The following SPECC1 variants were observed in gnomAD, a reference collection of about 807,000 sequenced individuals.
SPECC1 encodes sperm antigen with calponin homology and coiled-coil domains 1.
SPECC1 carries 62 observed loss-of-function variants against 104.1 expected under a neutral mutation model. The observed-to-expected ratio is 0.60, with a 90% CI of 0.49 to 0.74. The LOEUF is 0.74. Ranked by LOEUF, SPECC1 falls within the 30% of genes least tolerant of loss-of-function variation. The probability of loss-of-function intolerance (pLI) is 0.00; values close to 1 mark genes in which losing one functional copy is unlikely to be tolerated. For synonymous variants in SPECC1, 513 were observed against 501.6 expected, an observed-to-expected ratio of 1.02 and a Z score of -0.30; for missense variants, 1,306 against 1,310.5, an observed-to-expected ratio of 1.00 and a Z score of 0.05.
chr17:20,120,616 G>A (rs1420290023), intron 3 of SPECC1, among the ~76,000 whole-genome samples: 1 of 152,154 alleles, frequency 6.6e-6, no homozygotes, highest in Non-Finnish European at 1.5e-5. Flanking sequence ...TTCTTTTTAT[G>A]CCATGCAAGA....
chr17:20,308,104 C>G (rs1332460539), intron 14 of SPECC1, among the ~76,000 whole-genome samples: 2 of 151,914 alleles, frequency 1.3e-5, no homozygotes, highest in Non-Finnish European at 1.5e-5. Flanking sequence ...GATAACAATT[C>G]CAGCTGGGTG....
At chr17:20,100,145 G>A (rs1413761652) in intron 2 of SPECC1, among the ~76,000 whole-genome samples, 1 of 152,026 alleles carries the variant, frequency 6.6e-6, no homozygotes, top group Non-Finnish European at 1.5e-5. Context: ...GGTACCATGC[G>A]CATATTAGGG....
chr17:20,255,496 C>T (rs1261782067), intron 10 of SPECC1, among the ~76,000 whole-genome samples: 3 of 152,184 alleles, frequency 2.0e-5, no homozygotes. Context: ...ACTAGGTAAG[C>T]CTTTGGTAGA....
chr17:20,197,724 G>A (rs375995785), intron 3 of SPECC1, among the ~76,000 whole-genome samples: 67 of 152,238 alleles, frequency 4.4e-4, no homozygotes, highest in African/African-American at 1.5e-3. Flanking sequence ...TTGTTTCAGG[G>A]ATCTGTAGCC....
At chr17:20,127,173 A>G (rs2050468194) in intron 3 of SPECC1, among the ~76,000 whole-genome samples, 1 of 152,212 alleles carries the variant, frequency 6.6e-6, no homozygotes, top group Admixed American at 6.5e-5. Flanking sequence ...CTCAACTTTC[A>G]TAGCTATCAA....
intron 8 of SPECC1, 39 bp downstream of exon 8, chr17:20,246,110 CA>C (rs749890813): frequency 8.7e-6 from 14 of 1,608,120 alleles, no homozygotes; most frequent in Non-Finnish European, 1.2e-5. Flanking sequence ...GCTCCAAATT[CA>C]AACTTTGGCC....
At chr17:20,045,784 T>G (rs1312492391) in intron 1 of SPECC1, among the ~76,000 whole-genome samples, 2 of 152,186 alleles carry the variant, frequency 1.3e-5, no homozygotes, top group Non-Finnish European at 2.9e-5. Context: ...TTTTCCTGCT[T>G]TATCTGAGAT....
intron 3 of SPECC1, among the ~76,000 whole-genome samples, chr17:20,157,626 G>T (rs1268746868): frequency 1.3e-5 from 2 of 152,130 alleles, no homozygotes; most frequent in African/African-American, 4.8e-5. Context: ...TTAAAATTGT[G>T]AAAAGAGTTA....
intron 7 of SPECC1, among the ~76,000 whole-genome samples, chr17:20,233,449 C>T (rs1398440108): frequency 6.6e-6 from 1 of 152,196 alleles, no homozygotes; most frequent in Non-Finnish European, 1.5e-5. Flanking sequence ...ATAACTTTTA[C>T]ATAAAATGGC....
intron 3 of SPECC1, among the ~76,000 whole-genome samples, chr17:20,185,997 C>A (rs2035249697): frequency 6.6e-6 from 1 of 152,196 alleles, no homozygotes; most frequent in Non-Finnish European, 1.5e-5. Context: ...GCCACCACAC[C>A]CAGCTAATTT....
intron 3 of SPECC1, chr17:20,112,245 C>T: frequency 2.6e-6 from 2 of 763,400 alleles, no homozygotes; most frequent in South Asian, 2.7e-5. Flanking sequence ...TGACCGAAGT[C>T]CTGAGTACTT....
In SPECC1 at chr17:20,231,442, C is replaced by CAAGT. The variant is rs146064230; in HGVS notation, c.2072-315_2072-312dup. On this transcript the variant is annotated intron_variant, in intron 5 of 14. Coordinates refer to ENST00000395527, the MANE Select transcript of SPECC1 (RefSeq NM_001243439.2). The stretch of plus-strand genomic sequence containing the variant: ...TGCGAGGGAGGCCGGACTCGGTATG[C>CAAGT]AAGTGTGCATGGCCATGGAGGCCTC... 1.6e-3 allele frequency among the ~76,000 whole-genome samples: 239 copies of CAAGT among 152,278 alleles called. 1 individual carries two copies. The highest frequency in any genetic ancestry group is 2.5e-3 in the Non-Finnish European group (167 of 68,034).
chr17:20,074,682 T>A (rs1231759845), intron 1 of SPECC1, among the ~76,000 whole-genome samples: 2 of 152,132 alleles, frequency 1.3e-5, no homozygotes, highest in African/African-American at 4.8e-5. Flanking sequence ...CTCCATGGAC[T>A]CTGTGTCTCT....
chr17:20,225,905 C>T (rs964065923), intron 4 of SPECC1, among the ~76,000 whole-genome samples: 1 of 152,162 alleles, frequency 6.6e-6, no homozygotes, highest in African/African-American at 2.4e-5. Context: ...AATGATCCTG[C>T]AGTGCTGCCT....
intron 1 of SPECC1, among the ~76,000 whole-genome samples, chr17:20,059,270 G>A (rs1175784400): frequency 6.6e-6 from 1 of 152,098 alleles, no homozygotes; most frequent in African/African-American, 2.4e-5. Context: ...ATCTCAGGGT[G>A]ATGGAAGACA....
intron 3 of SPECC1, chr17:20,155,352 C>T (rs2032368102): frequency 6.6e-6 from 1 of 152,142 alleles, no homozygotes; most frequent in Non-Finnish European, 1.5e-5. Context: ...CGAGATAGAA[C>T]CAGTCATACC....
intron 4 of SPECC1, among the ~76,000 whole-genome samples, chr17:20,220,755 C>A (rs1004738873): frequency 1.3e-5 from 2 of 152,078 alleles, no homozygotes; most frequent in African/African-American, 4.8e-5. Flanking sequence ...TTATCCTGTT[C>A]CAGATCTTAG....
At chr17:20,061,016 T>C (rs1309572158) in intron 1 of SPECC1, among the ~76,000 whole-genome samples, 2 of 152,234 alleles carry the variant, frequency 1.3e-5, no homozygotes, top group East Asian at 3.8e-4. Context: ...TCAGTGACCA[T>C]AATACCTTTA....
chr17:20,095,447 C>G (rs2047600387), intron 1 of SPECC1, among the ~76,000 whole-genome samples: 1 of 152,258 alleles, frequency 6.6e-6, no homozygotes, highest in Non-Finnish European at 1.5e-5. Flanking sequence ...TGAGCTCAGT[C>G]AGATGCATGC....
Sources: gnomAD v4.1 joint callset for allele counts (sites outside exome capture counted in the v4.1 genomes callset) on GRCh38, gnomAD v4.1.1 for gene constraint, MANE v1.5 for transcripts, NCBI Gene and HGNC (gene_info 2026-07-23, HGNC 2026-07-21) for gene names.